Variants in CTNNA3 observed in about 807,000 individuals in gnomAD.
CTNNA3 encodes the protein catenin alpha 3.
Under a neutral mutation model 95.7 loss-of-function variants are expected in CTNNA3, and 76 were observed. The observed-to-expected ratio is 0.79, with a 90% confidence interval of 0.66 to 0.96. The LOEUF is 0.96. CTNNA3 is among the 40% of genes least tolerant of loss of function. The pLI is 0.00. For synonymous variants in CTNNA3, 431 were observed against 374.4 expected (o/e 1.15, Z -1.74); for missense variants, 1,191 against 1,089.8 (o/e 1.09, Z -1.31).
chr10:66,175,168 ACACACACATG>A (rs1564730475), intron 13 of CTNNA3, among the ~76,000 whole-genome samples: 1 of 152,040 alleles, frequency 6.6e-6, no homozygotes, highest in Non-Finnish European at 1.5e-5. Context: ...CACAGAATCA[ACACACACATG>A]CACACACACA....
intron 13 of CTNNA3, among the ~76,000 whole-genome samples, chr10:66,214,942 GA>G (rs1291839532): frequency 1.3e-5 from 2 of 151,440 alleles, no homozygotes; most frequent in Admixed American, 6.6e-5. Flanking sequence ...TAAGTCTTAG[GA>G]AAAAAAGACA....
rs80070693 is a variant in CTNNA3, at chr10:67,570,287, G to A, written c.293-30618C>T. On this transcript the variant is annotated intron_variant, in intron 3 of 17. Transcript: ENST00000433211. ...CTTCTTCCTCTTGTCTCTTTTTTTA[G>A]TGTTAGTCTTGGTCCTCTCTGTCAC... is the stretch of plus-strand genomic sequence containing the variant. 9.6e-3 allele frequency among the ~76,000 whole-genome samples: 1,452 copies of A among 151,216 alleles called. 23 individuals carry two copies. The highest frequency in any genetic ancestry group is 0.033 in the African/African-American group (1,379 of 41,190).
intron 7 of CTNNA3, among the ~76,000 whole-genome samples, chr10:66,970,871 A>C (rs1406317986): frequency 6.6e-6 from 1 of 152,164 alleles, no homozygotes; most frequent in Non-Finnish European, 1.5e-5. Context: ...CTGTTTTTCA[A>C]GATAATACAG....
intron 13 of CTNNA3, among the ~76,000 whole-genome samples, chr10:66,162,418 C>A (rs1343628407): frequency 2.6e-5 from 4 of 152,084 alleles, no homozygotes; most frequent in Non-Finnish European, 5.9e-5. Context: ...TAGTTATTCT[C>A]CCCCTTTTCC....
intron 13 of CTNNA3, among the ~76,000 whole-genome samples, chr10:66,197,050 A>G (rs1004591175): frequency 6.6e-6 from 1 of 152,186 alleles, no homozygotes; most frequent in Non-Finnish European, 1.5e-5. Context: ...GCTGCTACCC[A>G]GCTCTAGGAA....
chr10:66,926,619 T>TAAAAACA (rs746377219), intron 7 of CTNNA3: 3 of 1,612,804 alleles, frequency 1.9e-6, no homozygotes, highest in Non-Finnish European at 2.5e-6. Flanking sequence ...CTTTCCTTCT[T>TAAAAACA]AAAAACAAAA....
chr10:66,821,045 TAGAG>T (rs1043713376), intron 7 of CTNNA3, among the ~76,000 whole-genome samples: 4 of 152,088 alleles, frequency 2.6e-5, no homozygotes, highest in African/African-American at 4.8e-5. Flanking sequence ...CGTGATTTCT[TAGAG>T]AGATTTAATT....
At chr10:67,042,247 G>A (rs1480063065) in intron 7 of CTNNA3, among the ~76,000 whole-genome samples, 1 of 152,070 alleles carries the variant, frequency 6.6e-6, no homozygotes, top group African/African-American at 2.4e-5. Context: ...ATGGAAGCCT[G>A]AACCCAAATG....
At chr10:67,427,607 T>C (rs1210973193) in intron 5 of CTNNA3, among the ~76,000 whole-genome samples, 3 of 152,054 alleles carry the variant, frequency 2.0e-5, no homozygotes, top group Non-Finnish European at 4.4e-5. Flanking sequence ...ATTATGTGTA[T>C]ATGAATATAT....
chr10:67,587,651 G>C (rs559122443), intron 3 of CTNNA3, among the ~76,000 whole-genome samples: 14 of 152,100 alleles, frequency 9.2e-5, no homozygotes, highest in Admixed American at 8.5e-4. Flanking sequence ...TTTCACTTTG[G>C]CTTTAGACAG....
At chr10:66,587,184 G>T (rs1205165941) in intron 10 of CTNNA3, among the ~76,000 whole-genome samples, 1 of 152,178 alleles carries the variant, frequency 6.6e-6, no homozygotes, top group Non-Finnish European at 1.5e-5. Flanking sequence ...TGGGCACATA[G>T]ACAGACTCAA....
At chr10:67,613,309 G>C (rs527674067) in intron 2 of CTNNA3, among the ~76,000 whole-genome samples, 4 of 151,792 alleles carry the variant, frequency 2.6e-5, no homozygotes, top group African/African-American at 9.7e-5. Flanking sequence ...GGCCGTGCTT[G>C]ACTCATCCTG....
chr10:65,953,019 A>G (rs2077650385), intron 17 of CTNNA3, among the ~76,000 whole-genome samples: 1 of 152,222 alleles, frequency 6.6e-6, no homozygotes, highest in South Asian at 2.1e-4. Context: ...CATTTGGGGA[A>G]AGGGTAATTT....
intron 3 of CTNNA3, among the ~76,000 whole-genome samples, chr10:67,599,452 G>GGT: frequency 6.6e-6 from 1 of 152,018 alleles, no homozygotes; most frequent in Non-Finnish European, 1.5e-5. Flanking sequence ...GCAAATAAAG[G>GGT]GTGTAATGCA....
intron 7 of CTNNA3, among the ~76,000 whole-genome samples, chr10:66,803,052 A>G (rs1423365157): frequency 1.3e-5 from 2 of 152,016 alleles, no homozygotes; most frequent in Non-Finnish European, 2.9e-5. Context: ...ACCCATGTAC[A>G]TATTTTTCAA....
At chr10:67,453,340 T>C (rs565013395) in intron 5 of CTNNA3, among the ~76,000 whole-genome samples, 13 of 152,330 alleles carry the variant, frequency 8.5e-5, no homozygotes, top group African/African-American at 3.1e-4. Context: ...TTCTATTAAG[T>C]AGACACATAG....
rs543824698 is a variant in CTNNA3, at chr10:67,178,479, C to T, written c.1047+1838G>A. Among the ~76,000 whole-genome samples the T allele has an allele frequency of 4.6e-5, 7 of 151,994 alleles. 1 individual carries two copies. The highest frequency in any genetic ancestry group is 3.4e-3 in the Middle Eastern group (1 of 294). ...AACAAAAATAACCTTTCATAGGTCA[C>T]GAGAGACTGTGTAAGAAAGCTACAG... On this transcript the variant is annotated intron_variant, in intron 7 of 17. Coordinates refer to ENST00000433211, the MANE Select transcript of CTNNA3 (RefSeq NM_013266.4).
rs978433139 is a variant in CTNNA3 at position 67,388,900 on chromosome 10, C to T, written c.579+132942G>A. 2.0e-5 allele frequency among the ~76,000 whole-genome samples: 3 copies of T among 152,200 alleles called. No individual in the cohort carries two copies. In the East Asian group the frequency reaches 5.8e-4, roughly 29 times the overall value. ...CCACCAGGCCGGCCTTACAAGAGCT[C>T]CTGAAGGAAGCGCTAAACATGGAAA... On this transcript the variant is annotated intron_variant, in intron 5 of 17. Coordinates refer to ENST00000433211, the MANE Select transcript of CTNNA3 (RefSeq NM_013266.4).
intron 10 of CTNNA3, among the ~76,000 whole-genome samples, chr10:66,538,431 G>A (rs927469746): frequency 6.6e-6 from 1 of 152,062 alleles, no homozygotes; most frequent in South Asian, 2.1e-4. Flanking sequence ...GTTAGGTGCT[G>A]GTATATTTAG....
Sources: allele counts gnomAD v4.1 joint callset (sites outside exome capture counted in the v4.1 genomes callset), GRCh38; gene constraint gnomAD v4.1.1; transcripts MANE v1.5; gene names NCBI Gene and HGNC (gene_info 2026-07-23, HGNC 2026-07-21).